APBB2: variants seen among roughly 807,000 people sequenced by gnomAD.
APBB2 encodes amyloid beta precursor protein binding family B member 2.
A neutral mutation model predicts 82.5 loss-of-function variants in APBB2; 38 were observed. The observed-to-expected ratio is 0.46, with a 90% CI of 0.36 to 0.60. The LOEUF is 0.60. Among genes scored for constraint, APBB2 ranks in the 20% least tolerant of loss-of-function variants. The pLI, the probability that APBB2 is intolerant of heterozygous loss-of-function variation, is 0.00. For synonymous variants in APBB2, 341 were observed against 368.2 expected, an observed-to-expected ratio of 0.93 and a Z score of 0.85; for missense variants, 772 against 972.3, an observed-to-expected ratio of 0.79 and a Z score of 2.74.
At chr4:40,838,110 A>C (rs1253407103) in intron 12 of APBB2, among the ~76,000 whole-genome samples, 2 of 150,792 alleles carry the variant, frequency 1.3e-5, no homozygotes, top group Non-Finnish European at 3.0e-5. Flanking sequence ...TTATGGAATG[A>C]ATAAATGATT....
chr4:40,845,467 C>G (rs1315488049), intron 12 of APBB2, among the ~76,000 whole-genome samples: 2 of 151,920 alleles, frequency 1.3e-5, no homozygotes, highest in East Asian at 1.9e-4. Flanking sequence ...GCATGCTCTC[C>G]GTGGCTGTTC....
At chr4:41,145,063 T>C (rs1760334498) in intron 1 of APBB2, among the ~76,000 whole-genome samples, 1 of 152,230 alleles carries the variant, frequency 6.6e-6, no homozygotes, top group Non-Finnish European at 1.5e-5. Flanking sequence ...GGGGCTGCAG[T>C]GAGCCATGTT....
At chr4:41,023,050 C>T (rs1424372539) in intron 5 of APBB2, among the ~76,000 whole-genome samples, 1 of 152,092 alleles carries the variant, frequency 6.6e-6, no homozygotes, top group Admixed American at 6.5e-5. Context: ...TCAGTCTCAG[C>T]TCAAATAAAT....
At chr4:40,958,967 G>A (rs1792392595) in intron 6 of APBB2, among the ~76,000 whole-genome samples, 1 of 152,194 alleles carries the variant, frequency 6.6e-6, no homozygotes, top group Admixed American at 6.5e-5. Context: ...TAGCTAGGCA[G>A]GCTTTATTAC....
chr4:40,893,236 T>C, intron 11 of APBB2, 29 bp downstream of exon 11: 1 of 1,606,814 alleles, frequency 6.2e-7, no homozygotes, highest in Non-Finnish European at 8.5e-7. Flanking sequence ...GTAAACAGCC[T>C]GCCGTGCATC....
intron 3 of APBB2, among the ~76,000 whole-genome samples, chr4:41,096,843 T>C (rs1384724120): frequency 6.6e-6 from 1 of 152,228 alleles, no homozygotes; most frequent in Non-Finnish European, 1.5e-5. Context: ...ATAAAGGTTA[T>C]TTAAATCTAA....
intron 3 of APBB2, among the ~76,000 whole-genome samples, chr4:41,097,293 C>T (rs1743827049): frequency 6.6e-6 from 1 of 152,212 alleles, no homozygotes; most frequent in Non-Finnish European, 1.5e-5. Context: ...ATTTTGAGCA[C>T]ATATTCAGAC....
At chr4:41,116,316 G>A (rs1750962519) in intron 2 of APBB2, among the ~76,000 whole-genome samples, 1 of 152,182 alleles carries the variant, frequency 6.6e-6, no homozygotes, top group Admixed American at 6.5e-5. Flanking sequence ...GCCTGTCGGT[G>A]GGTGGGGGGC....
At chr4:41,112,083 G>T (rs757691530) in intron 2 of APBB2, among the ~76,000 whole-genome samples, 1 of 152,168 alleles carries the variant, frequency 6.6e-6, no homozygotes, top group African/African-American at 2.4e-5. Context: ...AAGGTGAAAT[G>T]AAATAAATTA....
At chr4:40,858,217 T>C (rs923632339) in intron 12 of APBB2, among the ~76,000 whole-genome samples, 3 of 152,152 alleles carry the variant, frequency 2.0e-5, no homozygotes, top group South Asian at 4.1e-4. Flanking sequence ...GTCATATAAA[T>C]ATATGAGTTG....
At chr4:40,895,500 C>T (rs1441784006) in intron 10 of APBB2, among the ~76,000 whole-genome samples, 1 of 152,246 alleles carries the variant, frequency 6.6e-6, no homozygotes, top group Non-Finnish European at 1.5e-5. Context: ...TCTTGCCTGG[C>T]CTGCCTGCCC....
At chr4:40,989,145 T>C (rs1272167711) in intron 6 of APBB2, among the ~76,000 whole-genome samples, 1 of 152,208 alleles carries the variant, frequency 6.6e-6, no homozygotes, top group East Asian at 1.9e-4. Flanking sequence ...CCACCTCACT[T>C]ACTGATACAC....
intron 6 of APBB2, among the ~76,000 whole-genome samples, chr4:40,959,581 A>C (rs1792544939): frequency 6.6e-6 from 1 of 152,148 alleles, no homozygotes; most frequent in South Asian, 2.1e-4. Context: ...TCAACAAAAG[A>C]TCATTATGGA....
intron 4 of APBB2, among the ~76,000 whole-genome samples, chr4:41,046,392 A>G (rs1236819515): frequency 6.6e-6 from 1 of 151,914 alleles, no homozygotes; most frequent in Non-Finnish European, 1.5e-5. Context: ...CAAAGATAAC[A>G]TCTCTTCGTA....
At chr4:40,917,855 T>A (rs1470245777) in intron 10 of APBB2, among the ~76,000 whole-genome samples, 1 of 152,244 alleles carries the variant, frequency 6.6e-6, no homozygotes, top group Admixed American at 6.5e-5. Flanking sequence ...TGCTGTGTGC[T>A]TTTTATCCAC....
intron 6 of APBB2, among the ~76,000 whole-genome samples, chr4:41,008,739 G>A: frequency 6.6e-6 from 1 of 152,172 alleles, no homozygotes; most frequent in East Asian, 1.9e-4. Context: ...GCAGGTCTAT[G>A]CCAAAACACT....
chr4:41,016,604 T>A (rs112125477), intron 5 of APBB2, among the ~76,000 whole-genome samples: 6 of 151,640 alleles, frequency 4.0e-5, no homozygotes, highest in African/African-American at 1.5e-4. Context: ...TGAGACGAGA[T>A]CGCCCCATTG....
chr4:40,869,867 T>C (rs529084537), intron 12 of APBB2, among the ~76,000 whole-genome samples: 1 of 152,096 alleles, frequency 6.6e-6, no homozygotes, highest in African/African-American at 2.4e-5. Flanking sequence ...AAATATTCTA[T>C]ATATTCCTGT....
At position 41,041,683 on chromosome 4, in the gene APBB2, C is replaced by T. The variant is rs190775889; in HGVS notation, c.-50-8379G>A. 2.4e-3 allele frequency among the ~76,000 whole-genome samples: 366 copies of T among 152,276 alleles called. 2 individuals are homozygous for T. The highest frequency in any genetic ancestry group is 3.4e-3 in the Non-Finnish European group (228 of 68,018). Reference sequence around the variant, plus strand: ...AATTTCTTTATCTTTCGCAAAAATACTTAAGGACATTGATTTATGATCCTA... The same window carrying T: ...AATTTCTTTATCTTTCGCAAAAATATTTAAGGACATTGATTTATGATCCTA... On this transcript the variant is annotated intron_variant, in intron 4 of 17. Transcript: ENST00000508593.
Sources: allele counts gnomAD v4.1 joint callset (sites outside exome capture counted in the v4.1 genomes callset), GRCh38; gene constraint gnomAD v4.1.1; transcripts MANE v1.5; gene names NCBI Gene and HGNC (gene_info 2026-07-23, HGNC 2026-07-21).